The following IFT80 variants were observed in gnomAD, a reference collection of about 807,000 sequenced individuals.
The protein encoded by IFT80 is intraflagellar transport protein 80 homolog.
A neutral mutation model predicts 107.9 loss-of-function variants in IFT80; 79 were observed. That is an observed-to-expected ratio of 0.73 (90% CI 0.61 to 0.88). IFT80 has a LOEUF of 0.88. Ranked by LOEUF, IFT80 falls within the 40% of genes least tolerant of loss-of-function variation. The pLI is 0.00. For synonymous variants in IFT80, 299 were observed against 300.9 expected (o/e 0.99, Z 0.07); for missense variants, 797 against 914.2 (o/e 0.87, Z 1.65).
intron 1 of IFT80, among the ~76,000 whole-genome samples, chr3:160,398,735 A>G (rs1454533755): frequency 6.6e-6 from 1 of 152,218 alleles, no homozygotes; most frequent in Non-Finnish European, 1.5e-5. Context: ...ACCCAGGGCA[A>G]TGTATACAAA....
intron 8 of IFT80, among the ~76,000 whole-genome samples, chr3:160,346,925 A>G (rs2108345359): frequency 6.6e-6 from 1 of 152,156 alleles, no homozygotes; most frequent in East Asian, 1.9e-4. Flanking sequence ...GGCCCTGGGC[A>G]TGTATGTTAC....
At chr3:160,341,490 A>G (rs965719573) in intron 8 of IFT80, among the ~76,000 whole-genome samples, 50 of 152,294 alleles carry the variant, frequency 3.3e-4, no homozygotes, top group African/African-American at 1.1e-3. Flanking sequence ...TTTAAAAAGA[A>G]AAAAATTACC....
chr3:160,368,376 A>C (rs1017720546), intron 5 of IFT80, among the ~76,000 whole-genome samples: 2 of 151,542 alleles, frequency 1.3e-5, no homozygotes, highest in Admixed American at 6.6e-5. Context: ...AAAAAAAAAA[A>C]AAACCCTGAA....
chr3:160,261,389 T>A (rs1381586967), intron 19 of IFT80, among the ~76,000 whole-genome samples: 1 of 151,072 alleles, frequency 6.6e-6, no homozygotes, highest in Non-Finnish European at 1.5e-5. Flanking sequence ...GAAATCACTG[T>A]CTTCATAGAG....
intron 1 of IFT80, among the ~76,000 whole-genome samples, chr3:160,392,859 C>G (rs568416968): frequency 6.6e-6 from 1 of 152,244 alleles, no homozygotes; most frequent in East Asian, 1.9e-4. Context: ...TGCTTGAGGC[C>G]AGGAGTTCAA....
Position 160,322,564 on chromosome 3 carries a change from C to T in IFT80, c.778-2625G>A, listed in dbSNP as rs1718326090. On this transcript the variant is annotated intron_variant, in intron 8 of 19. Coordinates refer to ENST00000326448, the MANE Select transcript of IFT80 (RefSeq NM_020800.3). ...GGGTATATACCCACTAATGGGATGG[C>T]TGGGTCAAATGGTATTTCTAGTTCT... Among the ~76,000 whole-genome samples, 5 of 152,136 alleles carry T rather than the reference C, an allele frequency of 3.3e-5. 1 individual carries two copies. The South Asian group carries it at 8.3e-4, about 25-fold the overall frequency.
intron 1 of IFT80, among the ~76,000 whole-genome samples, chr3:160,397,755 C>T (rs1713916533): frequency 1.6e-5 from 2 of 124,710 alleles, no homozygotes; most frequent in African/African-American, 6.1e-5. Context: ...CAGTTTCGCT[C>T]TTGTTGCCCA....
intron 19 of IFT80, 31 bp downstream of exon 19, chr3:160,268,382 G>A: frequency 1.3e-6 from 2 of 1,559,722 alleles, no homozygotes; most frequent in Non-Finnish European, 1.8e-6. Context: ...TAAAGCATAT[G>A]TATTATTATA....
chr3:160,329,585 T>G (rs1718936741), intron 8 of IFT80, among the ~76,000 whole-genome samples: 1 of 152,170 alleles, frequency 6.6e-6, no homozygotes, highest in African/African-American at 2.4e-5. Context: ...AGGAACATCC[T>G]TATCTCTAAA....
intron 2 of IFT80, chr3:160,383,488 TGAA>T (rs950811664): frequency 3.2e-6 from 3 of 928,514 alleles, no homozygotes; most frequent in African/African-American, 3.6e-5. Flanking sequence ...CTAGTTCTGA[TGAA>T]GGACCAGATT....
At chr3:160,354,716 A>G (rs944691592) in intron 8 of IFT80, among the ~76,000 whole-genome samples, 5 of 152,200 alleles carry the variant, frequency 3.3e-5, no homozygotes, top group African/African-American at 1.2e-4. Context: ...GGTCTAAGAC[A>G]GAAATCAAAG....
chr3:160,291,009 A>T lies in IFT80; in HGVS notation c.1316-5141T>A, dbSNP rs568183254. 1.2e-4 allele frequency among the ~76,000 whole-genome samples: 18 copies of T among 152,344 alleles called. No homozygotes were observed. In the South Asian group the frequency reaches 3.5e-3, roughly 30 times the overall value. ...CACCCTTTAAGCAATATTAATTAGGAATGCAAAATGGGAATCAATAAGATT... is the reference window on the plus strand; with the variant it reads ...CACCCTTTAAGCAATATTAATTAGGTATGCAAAATGGGAATCAATAAGATT... On this transcript the variant is annotated intron_variant, in intron 12 of 19. Transcript: ENST00000326448.
intron 5 of IFT80, among the ~76,000 whole-genome samples, chr3:160,368,485 C>A (rs575585744): frequency 3.8e-4 from 57 of 151,758 alleles, no homozygotes; most frequent in African/African-American, 1.4e-3. Flanking sequence ...CACAGAAATT[C>A]TTCCTGATGA....
At chr3:160,377,568 A>G (rs751620550) in intron 3 of IFT80, 28 bp from the exon 4 acceptor site, 1 of 1,349,182 alleles carries the variant, frequency 7.4e-7, no homozygotes, top group Admixed American at 1.7e-5. Context: ...TGAAAAATCT[A>G]TTTTATTTAT....
chr3:160,295,297 C>T lies in IFT80; in HGVS notation c.1315+5586G>A, dbSNP rs980259858. On this transcript the variant is annotated intron_variant, in intron 12 of 19. Coordinates refer to ENST00000326448, the MANE Select transcript of IFT80 (RefSeq NM_020800.3). ...AGTACAGCCACTGTGAAATATATTA[C>T]GAAGGTTCCTCAAAAAATTAGAATA... Among the ~76,000 whole-genome samples the T allele has an allele frequency of 3.3e-5, 5 of 152,140 alleles. No individual in the cohort carries two copies. The South Asian group carries it at 6.2e-4, about 19-fold the overall frequency.
At chr3:160,397,358 T>TTCCTCCATATCATATCTAACA (rs1357027110) in intron 1 of IFT80, among the ~76,000 whole-genome samples, 2 of 152,216 alleles carry the variant, frequency 1.3e-5, no homozygotes, top group Non-Finnish European at 2.9e-5. Flanking sequence ...TAAAAGCTGT[T>TTCCTCCATATCATATCTAACA]TCCTCCATAT....
At chr3:160,320,784 T>G (rs1718155717) in intron 8 of IFT80, among the ~76,000 whole-genome samples, 1 of 151,888 alleles carries the variant, frequency 6.6e-6, no homozygotes, top group African/African-American at 2.4e-5. Flanking sequence ...TTTTGTTTGT[T>G]TGTTTGTTTT....
chr3:160,301,789 C>G (rs1716447090), intron 11 of IFT80, among the ~76,000 whole-genome samples: 3 of 151,722 alleles, frequency 2.0e-5, no homozygotes, highest in Admixed American at 2.0e-4. Context: ...ATAATTCAAG[C>G]AATACAGAGA....
At chr3:160,346,800 T>A (rs1312179358) in intron 8 of IFT80, among the ~76,000 whole-genome samples, 1 of 152,200 alleles carries the variant, frequency 6.6e-6, no homozygotes, top group African/African-American at 2.4e-5. Context: ...ACTCCTTTAA[T>A]ACACGGCCAG....
Sources: gnomAD v4.1 joint callset for allele counts (sites outside exome capture counted in the v4.1 genomes callset) on GRCh38, gnomAD v4.1.1 for gene constraint, MANE v1.5 for transcripts, NCBI Gene and HGNC (gene_info 2026-07-23, HGNC 2026-07-21) for gene names.